VRK2: variants seen among roughly 807,000 people sequenced by gnomAD.
The protein encoded by VRK2 is serine/threonine-protein kinase VRK2.
Under a neutral mutation model 57.6 loss-of-function variants are expected in VRK2, and 60 were observed. The observed-to-expected ratio is 1.04, with a 90% CI of 0.85 to 1.29. The LOEUF is 1.29. VRK2 is among the 50% of genes most tolerant of loss of function. VRK2 has a pLI of 0.00. For synonymous variants in VRK2, 231 were observed against 199.2 expected, an observed-to-expected ratio of 1.16 and a Z score of -1.35; for missense variants, 705 against 588.1, an observed-to-expected ratio of 1.20 and a Z score of -2.06.
At chr2:58,132,832 A>G (rs1679416189) in intron 9 of VRK2, among the ~76,000 whole-genome samples, 1 of 152,202 alleles carries the variant, frequency 6.6e-6, no homozygotes, top group East Asian at 1.9e-4. Flanking sequence ...GTAAATACTG[A>G]CATATATGAA....
rs745990133 is a variant in VRK2, at chr2:58,135,206, C to T, written c.856+7C>T. The T allele has an allele frequency of 1.2e-6, 2 of 1,614,006 alleles. No homozygotes were observed. The highest frequency in any genetic ancestry group is 1.7e-6 in the Non-Finnish European group (2 of 1,179,940). ...CCTTCTGGAAGCAGTTGCTGTAAGT[C>T]AAATAATAACTTCAACCTTCTCTTA... On this transcript the variant is annotated splice_region_variant and intron_variant, in intron 10 of 12. Coordinates refer to ENST00000340157, the MANE Select transcript of VRK2 (RefSeq NM_006296.7).
chr2:58,032,567 T>A (rs1010147395), intron 2 of VRK2, among the ~76,000 whole-genome samples: 1 of 151,894 alleles, frequency 6.6e-6, no homozygotes, highest in Non-Finnish European at 1.5e-5. Context: ...ACTGACGCAG[T>A]TCTCCATCCT....
intron 7 of VRK2, among the ~76,000 whole-genome samples, chr2:58,100,354 T>C (rs1014062449): frequency 6.6e-6 from 1 of 151,976 alleles, no homozygotes; most frequent in Non-Finnish European, 1.5e-5. Flanking sequence ...ATATAAAATT[T>C]ACTTACTGTA....
chr2:57,924,220 C>A (rs1670459341), intron 1 of VRK2, among the ~76,000 whole-genome samples: 1 of 151,872 alleles, frequency 6.6e-6, no homozygotes, highest in African/African-American at 2.4e-5. Flanking sequence ...TTTTGTGATT[C>A]CATATAAATT....
intron 1 of VRK2, among the ~76,000 whole-genome samples, chr2:57,961,717 T>A (rs1019935792): frequency 1.3e-5 from 2 of 149,824 alleles, no homozygotes; most frequent in Admixed American, 1.3e-4. Flanking sequence ...TAGCTTTATA[T>A]CTACTTGGAC....
Position 58,030,195 on chromosome 2 carries a change from C to T in VRK2, c.-332-3032C>T, listed in dbSNP as rs532400419. ...AGGTTTTGCTCAATTAATATGCACA[C>T]ATATTGCTGCTTTTTCCTCAGATCT... On this transcript the variant is annotated intron_variant, in intron 2 of 15. Transcript: ENST00000417641. Among the ~76,000 whole-genome samples, 3 of 152,194 alleles carry T rather than the reference C, an allele frequency of 2.0e-5. No individual in the cohort carries two copies. In the South Asian group the frequency reaches 6.2e-4, roughly 32 times the overall value.
rs766641449 is a variant in VRK2 at position 58,159,840 on chromosome 2, C to G, written c.*147C>G. On this transcript the variant is annotated 3_prime_UTR_variant, in exon 13 of 13. Coordinates refer to ENST00000340157, the MANE Select transcript of VRK2 (RefSeq NM_006296.7). ...CATATTTTAACAAAGTTTGTGGACA[C>G]TCTAAAAAATAAAATTGCTTTGTAC... The G allele has an allele frequency of 3.7e-6, 6 of 1,608,424 alleles. No homozygotes were observed. The highest frequency in any genetic ancestry group is 5.1e-6 in the Non-Finnish European group (6 of 1,178,118).
intron 12 of VRK2, among the ~76,000 whole-genome samples, chr2:58,154,301 T>C (rs754223279): frequency 2.0e-4 from 30 of 151,542 alleles, no homozygotes; most frequent in Non-Finnish European, 4.1e-4. Context: ...AATTTCTATC[T>C]TTCTGCTTGC....
chr2:57,977,867 C>A (rs1338184355), intron 1 of VRK2, among the ~76,000 whole-genome samples: 1 of 151,028 alleles, frequency 6.6e-6, no homozygotes, highest in Non-Finnish European at 1.5e-5. Context: ...TCAGAGATGG[C>A]TCTTATCATT....
rs1324897637 is a variant in VRK2 at position 58,135,179 on chromosome 2, C to T, written c.836C>T (p.Ala279Val). The T allele has an allele frequency of 1.2e-6, 2 of 1,614,152 alleles. No individual in the cohort carries two copies. Among genetic ancestry groups the T allele is most frequent in the Admixed American group, 1.7e-5 (1 of 60,022 alleles). ...DELPQSVLKW[A>V]PSGSSCCEIA... Reference sequence around the variant, plus strand: ...CTCCCCCAGTCAGTGCTTAAATGGGCTCCTTCTGGAAGCAGTTGCTGTAAG... The same window carrying T: ...CTCCCCCAGTCAGTGCTTAAATGGGTTCCTTCTGGAAGCAGTTGCTGTAAG... Residue 279 changes from alanine (A) to valine (V), a missense_variant, in exon 10 of 13, where the codon GCT (alanine) becomes GTT (valine). By Grantham distance (64) the Ala-to-Val change is moderately conservative. Coordinates refer to ENST00000340157, the MANE Select transcript of VRK2 (RefSeq NM_006296.7).
At chr2:58,065,896 T>G (rs72810328) in intron 2 of VRK2, among the ~76,000 whole-genome samples, 7,561 of 152,222 alleles carry the variant, frequency 0.05, 244 homozygotes, top group Non-Finnish European at 0.077. Flanking sequence ...AATTTTAGTT[T>G]CCATTTGTAC....
At chr2:57,926,227 A>G (rs1297556358) in intron 1 of VRK2, among the ~76,000 whole-genome samples, 1 of 151,924 alleles carries the variant, frequency 6.6e-6, no homozygotes, top group Non-Finnish European at 1.5e-5. Context: ...TTCTGTATAT[A>G]TCTGCTAGGT....
intron 1 of VRK2, among the ~76,000 whole-genome samples, chr2:57,968,371 C>T (rs1268360739): frequency 1.3e-5 from 2 of 151,934 alleles, no homozygotes; most frequent in Admixed American, 6.6e-5. Context: ...AAATGTTTAA[C>T]CTAGACATGG....
At position 58,083,953 on chromosome 2, in the gene VRK2, A is replaced by G. The variant is rs149009548; in HGVS notation, c.137-136A>G. 6 of 842,832 alleles carry G rather than the reference A, an allele frequency of 7.1e-6. No individual in the cohort carries two copies. In the East Asian group the frequency reaches 1.1e-4, roughly 15 times the overall value. The allele number at this position is 842,832 out of a possible 1,614,324, so 52.2% of individuals were successfully genotyped here. ...TATAAAATGGAGATGATTGATTCCT[A>G]CTACCATAAAAGGTTGTTGGGATGA... On this transcript the variant is annotated intron_variant, in intron 2 of 12. Transcript: ENST00000340157.
chr2:58,104,476 G>A (rs1164179152), intron 7 of VRK2, among the ~76,000 whole-genome samples: 1 of 151,496 alleles, frequency 6.6e-6, no homozygotes, highest in East Asian at 1.9e-4. Context: ...CTAAAAAAAT[G>A]AAATAAAATA....
intron 2 of VRK2, among the ~76,000 whole-genome samples, chr2:58,080,707 C>G (rs973440704): frequency 2.6e-5 from 4 of 151,392 alleles, no homozygotes. Flanking sequence ...AATTTATTTT[C>G]TATATTTTTA....
At position 58,034,789 on chromosome 2, in the gene VRK2, AC is replaced by A. The variant is rs1186698607; in HGVS notation, c.-6+1237del. ...AGAGGTTTTTTTTAAAAAACAAAAA[AC>A]AAAAAAAAAAACTTCACTTATTCCT... On this transcript the variant is annotated intron_variant, in intron 3 of 15. Transcript: ENST00000417641. Among the ~76,000 whole-genome samples the A allele has an allele frequency of 9.9e-5, 15 of 151,986 alleles. 1 individual carries two copies. Among genetic ancestry groups the A allele is most frequent in the African/African-American group, 3.6e-4 (15 of 41,474 alleles).
chr2:58,030,689 T>C (rs1031805577), intron 2 of VRK2, among the ~76,000 whole-genome samples: 4 of 152,066 alleles, frequency 2.6e-5, no homozygotes, highest in African/African-American at 9.7e-5. Flanking sequence ...GAGGTGGGTC[T>C]ACCTCTCTTC....
intron 1 of VRK2, among the ~76,000 whole-genome samples, chr2:57,909,107 A>T (rs1445613016): frequency 2.0e-5 from 3 of 152,198 alleles, no homozygotes; most frequent in Non-Finnish European, 2.9e-5. Context: ...GGAGCTCATG[A>T]ACTGCTTTTG....
Sources: allele counts gnomAD v4.1 joint callset (sites outside exome capture counted in the v4.1 genomes callset), GRCh38; gene constraint gnomAD v4.1.1; transcripts MANE v1.5; gene names NCBI Gene and HGNC (gene_info 2026-07-23, HGNC 2026-07-21).